The following BCAT1 variants were observed in gnomAD, a reference collection of about 807,000 sequenced individuals.
BCAT1 encodes the protein branched chain amino acid transaminase 1.
In BCAT1, 48 loss-of-function variants were observed where a neutral mutation model predicts 52.4. The ratio of observed to expected loss-of-function variants is 0.92; its 90% confidence interval spans 0.73 to 1.16. The LOEUF (loss-of-function observed/expected upper bound fraction) is 1.16. BCAT1 is among the 50% of genes most tolerant of loss of function. The probability of loss-of-function intolerance (pLI) is 0.00; values close to 1 mark genes in which losing one functional copy is unlikely to be tolerated. For missense variants in BCAT1, 451 were observed against 457.1 expected (o/e 0.99, Z 0.12); for synonymous variants, 167 against 161.3 (o/e 1.04, Z -0.27).
intron 3 of BCAT1, among the ~76,000 whole-genome samples, chr12:24,887,080 A>AAAAAAAAAAAAAAAAAT (rs1245203518): frequency 2.2e-4 from 9 of 40,748 alleles, no homozygotes; most frequent in African/African-American, 4.6e-4. Flanking sequence ...AAAAAAAAAA[A>AAAAAAAAAAAAAAAAAT]ATATATATAT....
chr12:24,832,091 A>C (rs1940692000), intron 9 of BCAT1, among the ~76,000 whole-genome samples: 1 of 152,208 alleles, frequency 6.6e-6, no homozygotes, highest in Non-Finnish European at 1.5e-5. Flanking sequence ...ATTTTCCATA[A>C]CTATTTGCCA....
At chr12:24,864,992 C>A (rs552905187) in intron 5 of BCAT1, among the ~76,000 whole-genome samples, 27 of 152,342 alleles carry the variant, frequency 1.8e-4, no homozygotes, top group African/African-American at 6.3e-4. Flanking sequence ...ACCTTGCAGG[C>A]TGCTACTTCT....
intron 8 of BCAT1, chr12:24,834,921 C>A: frequency 3.1e-6 from 1 of 323,774 alleles, no homozygotes; most frequent in Non-Finnish European, 4.5e-6. Context: ...GTGGTGACCC[C>A]CTACATGCCT....
At chr12:24,935,504 A>C (rs149902488) in intron 1 of BCAT1, among the ~76,000 whole-genome samples, 1 of 152,212 alleles carries the variant, frequency 6.6e-6, no homozygotes, top group African/African-American at 2.4e-5. Flanking sequence ...CACAGCCCCT[A>C]ACCTACGCCA....
chr12:24,913,601 C>A (rs953329503), intron 1 of BCAT1, among the ~76,000 whole-genome samples: 1 of 152,152 alleles, frequency 6.6e-6, no homozygotes, highest in Admixed American at 6.5e-5. Flanking sequence ...CTCTATTCCC[C>A]AACAGACAAT....
intron 10 of BCAT1, among the ~76,000 whole-genome samples, chr12:24,824,299 C>T (rs1940292168): frequency 1.3e-5 from 2 of 150,266 alleles, no homozygotes; most frequent in South Asian, 2.1e-4. Context: ...TCCCTCCCTC[C>T]CTCCTTCCTT....
In BCAT1 at chr12:24,900,838, G is replaced by A. The variant is rs565843116; in HGVS notation, c.78+976C>T. 4.6e-5 allele frequency among the ~76,000 whole-genome samples: 7 copies of A among 152,206 alleles called. No individual in the cohort carries two copies. In the East Asian group the frequency reaches 1.2e-3, roughly 25 times the overall value. ...CTCAGCTACTCAGGAGGCTGAGGCAGGAGAATCACTTGAACCTGGGAGGCA... is the reference window on the plus strand; with the variant it reads ...CTCAGCTACTCAGGAGGCTGAGGCAAGAGAATCACTTGAACCTGGGAGGCA... On this transcript the variant is annotated intron_variant, in intron 2 of 10. Transcript: ENST00000261192.
In BCAT1 at chr12:24,815,405, GAGC is replaced by G. The variant is rs1040595708; in HGVS notation, c.*2600_*2602del. ...ACAATATTAATTTGTTGATCTTTTT[GAGC>G]AGATTAGCTTCACATGTTCCTAATG... On this transcript the variant is annotated 3_prime_UTR_variant, in exon 11 of 11. Coordinates refer to ENST00000261192, the MANE Select transcript of BCAT1 (RefSeq NM_005504.7). 6.6e-6 allele frequency: 1 copy of G among 152,544 alleles called. No homozygotes were observed. Among genetic ancestry groups the G allele is most frequent in the Non-Finnish European group, 1.5e-5 (1 of 68,018 alleles). 9.4% of individuals were successfully genotyped at this position (152,544 alleles called of 1,614,324 possible). A position where few individuals can be genotyped will look rare whatever the true frequency, so the allele number is the denominator to read the frequency against.
intron 1 of BCAT1, among the ~76,000 whole-genome samples, chr12:24,910,432 T>C (rs976313202): frequency 6.6e-6 from 1 of 151,232 alleles, no homozygotes; most frequent in Non-Finnish European, 1.5e-5. Flanking sequence ...TAAATTATTG[T>C]TTTAAGGCCA....
intron 6 of BCAT1, among the ~76,000 whole-genome samples, chr12:24,843,467 G>A (rs981994308): frequency 2.0e-5 from 3 of 152,124 alleles, no homozygotes; most frequent in Admixed American, 2.0e-4. Flanking sequence ...GCTGGGCGTG[G>A]TGGCGGGTGC....
At chr12:24,879,216 C>T (rs1310442496) in intron 4 of BCAT1, among the ~76,000 whole-genome samples, 5 of 152,064 alleles carry the variant, frequency 3.3e-5, no homozygotes, top group South Asian at 2.1e-4. Context: ...TAAAGACTTC[C>T]GTTCTTCAAA....
chr12:24,902,743 G>T (rs1313391705), intron 1 of BCAT1: 3 of 760,984 alleles, frequency 3.9e-6, no homozygotes, highest in African/African-American at 1.9e-5. Flanking sequence ...CGGGAACCTC[G>T]AAGAGGTGGA....
chr12:24,911,129 G>A (rs1165633798), intron 1 of BCAT1, among the ~76,000 whole-genome samples: 1 of 151,476 alleles, frequency 6.6e-6, no homozygotes, highest in Non-Finnish European at 1.5e-5. Flanking sequence ...AAAAATATTA[G>A]TTATCATGAA....
At chr12:24,874,320 A>G (rs984173680) in intron 5 of BCAT1, among the ~76,000 whole-genome samples, 1 of 152,236 alleles carries the variant, frequency 6.6e-6, no homozygotes, top group Non-Finnish European at 1.5e-5. Flanking sequence ...TCTCAAAAAT[A>G]AAATAAAACA....
At chr12:24,846,087 T>C (rs1376015112) in intron 6 of BCAT1, among the ~76,000 whole-genome samples, 1 of 152,204 alleles carries the variant, frequency 6.6e-6, no homozygotes, top group Admixed American at 6.5e-5. Flanking sequence ...AAGAAGCTTC[T>C]AAATACAAAT....
At chr12:24,883,084 C>T (rs569815104) in intron 3 of BCAT1, among the ~76,000 whole-genome samples, 60 of 151,514 alleles carry the variant, frequency 4.0e-4, no homozygotes, top group Non-Finnish European at 8.1e-4. Context: ...GTCAGGAGTT[C>T]GAGACCAGCC....
rs1425418088 is a variant in BCAT1, at chr12:24,811,495, TAG to T, written c.*6511_*6512del. On this transcript the variant is annotated 3_prime_UTR_variant, in exon 11 of 11. Transcript: ENST00000261192. ...TCCATGCCCTCTCAACATACAAATA[TAG>T]AGTTCTTCACACCAGATGGCTCTGG... 11 of 152,146 alleles carry T rather than the reference TAG, an allele frequency of 7.2e-5. No homozygotes were observed. Among genetic ancestry groups the T allele is most frequent in the Admixed American group, 2.0e-4 (3 of 15,268 alleles). The allele number at this position is 152,146 out of a possible 1,614,324, so 9.4% of individuals were successfully genotyped here.
At chr12:24,890,419 A>G (rs952740481) in intron 3 of BCAT1, among the ~76,000 whole-genome samples, 1 of 152,228 alleles carries the variant, frequency 6.6e-6, no homozygotes, top group African/African-American at 2.4e-5. Context: ...AGGATGAGAT[A>G]GGAGGTCGGC....
intron 3 of BCAT1, among the ~76,000 whole-genome samples, chr12:24,886,438 T>A (rs902597781): frequency 6.6e-6 from 1 of 152,128 alleles, no homozygotes. Context: ...AATGGCCAAA[T>A]CTGCATTCAT....
Sources: gnomAD v4.1 joint callset for allele counts (sites outside exome capture counted in the v4.1 genomes callset) on GRCh38, gnomAD v4.1.1 for gene constraint, MANE v1.5 for transcripts, NCBI Gene and HGNC (gene_info 2026-07-23, HGNC 2026-07-21) for gene names.